Variants in ADAMTS20 observed in about 807,000 individuals in gnomAD.
ADAMTS20 encodes the protein ADAM metallopeptidase with thrombospondin type 1 motif 20, also known as A disintegrin and metalloproteinase with thrombospondin motifs 20.
ADAMTS20 carries 225 observed loss-of-function variants against 260.1 expected under a neutral mutation model. The observed-to-expected ratio is 0.87, with a 90% confidence interval of 0.78 to 0.97. The LOEUF is 0.97. Among genes scored for constraint, ADAMTS20 ranks in the 50% least tolerant of loss-of-function variants. ADAMTS20 has a pLI of 0.00. For missense variants in ADAMTS20, 2,400 were observed against 2,337.7 expected (o/e 1.03, Z -0.55); for synonymous variants, 802 against 769.5 (o/e 1.04, Z -0.70).
intron 11 of ADAMTS20, among the ~76,000 whole-genome samples, chr12:43,457,109 T>C (rs1941978531): frequency 6.6e-6 from 1 of 152,250 alleles, no homozygotes; most frequent in South Asian, 2.1e-4. Flanking sequence ...CTGTCTTCCT[T>C]GACTTATCAG....
downstream of ADAMTS20, among the ~76,000 whole-genome samples, chr12:43,353,414 A>T (rs1320893333): frequency 3.9e-5 from 6 of 152,154 alleles, no homozygotes; most frequent in East Asian, 1.2e-3. Flanking sequence ...GAATATATAT[A>T]CACATACAAG....
intron 3 of ADAMTS20, 49 bp from the exon 4 acceptor site, chr12:43,502,454 C>T (rs754396206): frequency 1.6e-5 from 25 of 1,525,862 alleles, no homozygotes; most frequent in Admixed American, 2.4e-5. Flanking sequence ...TTGGATGTGA[C>T]GAAAAATATC....
chr12:43,483,207 G>A (rs1321699341), intron 7 of ADAMTS20, among the ~76,000 whole-genome samples: 1 of 152,146 alleles, frequency 6.6e-6, no homozygotes, highest in Non-Finnish European at 1.5e-5. Context: ...CTGGGGTGTG[G>A]CAGCCTCACT....
intron 28 of ADAMTS20, among the ~76,000 whole-genome samples, chr12:43,415,544 G>A (rs531877952): frequency 3.7e-4 from 57 of 152,208 alleles, no homozygotes; most frequent in African/African-American, 1.3e-3. Context: ...AATATATTGA[G>A]CCTTTATGTC....
intron 32 of ADAMTS20, 132 bp from the exon 33 acceptor site, chr12:43,376,785 C>A (rs1453363658): frequency 4.4e-5 from 45 of 1,029,436 alleles, no homozygotes; most frequent in Non-Finnish European, 5.5e-5. Flanking sequence ...ACACAGAAGA[C>A]ACAAAACTAT....
chr12:43,376,605 T>C lies in ADAMTS20; in HGVS notation c.5044A>G (p.Ile1682Val). Reference protein sequence around the residue: ...IGIMKRQVKCITKHGLSSDLC... With the variant: ...IGIMKRQVKCVTKHGLSSDLC... ...TCACTGGACAAACCATGTTTGGTAATGCATTTCACTTGTCTCTTCATTATC... is the reference window on the plus strand; with the variant it reads ...TCACTGGACAAACCATGTTTGGTAACGCATTTCACTTGTCTCTTCATTATC... The change falls in exon 33 of 39, where the codon ATT becomes GTT. Residue 1682 changes from isoleucine (I) to valine (V), a missense_variant. Ile to Val is a conservative substitution (Grantham distance 29, BLOSUM62 3). Transcript: ENST00000389420. The C allele has an allele frequency of 6.2e-7, 1 of 1,613,560 alleles. No homozygotes were observed. Among genetic ancestry groups the C allele is most frequent in the South Asian group, 1.1e-5 (1 of 90,952 alleles).
At chr12:43,411,134 T>C (rs1717168952) in intron 28 of ADAMTS20, among the ~76,000 whole-genome samples, 2 of 152,352 alleles carry the variant, frequency 1.3e-5, no homozygotes, top group Non-Finnish European at 1.5e-5. Flanking sequence ...TATTGTTGTT[T>C]ACTCAGATGA....
intron 7 of ADAMTS20, among the ~76,000 whole-genome samples, chr12:43,489,447 T>C (rs2137426297): frequency 6.6e-6 from 1 of 152,074 alleles, no homozygotes; most frequent in Non-Finnish European, 1.5e-5. Flanking sequence ...GCAATGTTTC[T>C]TTCATTGATT....
chr12:43,487,282 A>T (rs1315899581), intron 7 of ADAMTS20, among the ~76,000 whole-genome samples: 1 of 152,176 alleles, frequency 6.6e-6, no homozygotes, highest in Non-Finnish European at 1.5e-5. Flanking sequence ...TTTGGATGGA[A>T]CTGGAGGCAT....
chr12:43,414,425 G>C (rs1941091443), intron 28 of ADAMTS20, among the ~76,000 whole-genome samples: 1 of 152,072 alleles, frequency 6.6e-6, no homozygotes, highest in African/African-American at 2.4e-5. Context: ...AGACTGAAAT[G>C]AAAAGGTGAT....
intron 28 of ADAMTS20, among the ~76,000 whole-genome samples, chr12:43,404,480 T>C (rs943161308): frequency 1.3e-5 from 2 of 152,158 alleles, no homozygotes; most frequent in African/African-American, 4.8e-5. Flanking sequence ...CTCAGCTGGC[T>C]ATTTGAAAAA....
At chr12:43,478,967 C>T (rs934062833) in intron 7 of ADAMTS20, among the ~76,000 whole-genome samples, 3 of 152,024 alleles carry the variant, frequency 2.0e-5, no homozygotes, top group African/African-American at 4.8e-5. Flanking sequence ...TAGGACTGAG[C>T]GCTTAAACCT....
Position 43,427,337 on chromosome 12 carries a change from G to A in ADAMTS20, c.4078C>T (p.Pro1360Ser). ...CCCCAATTTCCGTAGTTCCACTGTG[G>A]ACAAGGCCCTGGACCACATTGCTGT... Reference protein sequence around the residue: ...ELQQCGPGPCPQWNYGNWGEC... With the variant: ...ELQQCGPGPCSQWNYGNWGEC... Residue 1360 changes from proline to serine, a missense_variant, in exon 27 of 39, where the codon CCA (proline) becomes TCA (serine). Coordinates refer to ENST00000389420, the MANE Select transcript of ADAMTS20 (RefSeq NM_025003.5). 1 of 1,613,614 alleles carries A rather than the reference G, an allele frequency of 6.2e-7. No individual in the cohort carries two copies. Among genetic ancestry groups the A allele is most frequent in the Middle Eastern group, 1.6e-4 (1 of 6,062 alleles).
At chr12:43,460,416 A>G (rs1204990817) in intron 11 of ADAMTS20, among the ~76,000 whole-genome samples, 1 of 152,140 alleles carries the variant, frequency 6.6e-6, no homozygotes, top group Non-Finnish European at 1.5e-5. Context: ...AGAATGGCCA[A>G]ATTTTTTTTA....
intron 14 of ADAMTS20, among the ~76,000 whole-genome samples, chr12:43,447,052 A>G (rs575447649): frequency 1.1e-4 from 17 of 152,216 alleles, no homozygotes; most frequent in Admixed American, 9.2e-4. Context: ...GCTGAATTCT[A>G]CTAGATGTAC....
At chr12:43,536,901 C>G (rs1409236891) in intron 2 of ADAMTS20, among the ~76,000 whole-genome samples, 5 of 152,022 alleles carry the variant, frequency 3.3e-5, no homozygotes, top group African/African-American at 4.8e-5. Context: ...CTGTGAAGAC[C>G]CAATTCAGAA....
intron 29 of ADAMTS20, among the ~76,000 whole-genome samples, chr12:43,395,840 G>A (rs1940691111): frequency 6.6e-6 from 1 of 151,912 alleles, no homozygotes; most frequent in African/African-American, 2.4e-5. Context: ...CTGTCCAGCA[G>A]GTTTGCCATG....
intron 37 of ADAMTS20, among the ~76,000 whole-genome samples, chr12:43,368,214 C>A (rs1378979987): frequency 6.6e-6 from 1 of 151,952 alleles, no homozygotes; most frequent in Non-Finnish European, 1.5e-5. Context: ...AAAAATAAAT[C>A]CTTCAGTCTT....
chr12:43,502,243 CTTGGATATGATATAAG>C lies in ADAMTS20; in HGVS notation c.760_775del (p.Leu254AspfsTer26). 1 of 1,611,744 alleles carries C rather than the reference CTTGGATATGATATAAG, an allele frequency of 6.2e-7. No homozygotes were observed. The highest frequency in any genetic ancestry group is 1.7e-5 in the Admixed American group (1 of 59,334). ...AGCTGTAACCATAATTTCAATGTATCTTGGATATGATATAAGACGTTTTTTCCTGGAATGTCTTCTT... is the reference window on the plus strand; with the variant it reads ...AGCTGTAACCATAATTTCAATGTATCACGTTTTTTCCTGGAATGTCTTCTT... On this transcript the variant is annotated frameshift_variant, in exon 4 of 39. Coordinates refer to ENST00000389420, the MANE Select transcript of ADAMTS20 (RefSeq NM_025003.5). LOFTEE classifies it high-confidence loss of function.
Sources: allele counts gnomAD v4.1 joint callset (sites outside exome capture counted in the v4.1 genomes callset), GRCh38; gene constraint gnomAD v4.1.1; transcripts MANE v1.5; gene names NCBI Gene and HGNC (gene_info 2026-07-23, HGNC 2026-07-21).